Variants in GPM6B observed in about 807,000 individuals in gnomAD.
GPM6B encodes the protein neuronal membrane glycoprotein M6-b.
Under a neutral mutation model 27.2 loss-of-function variants are expected in GPM6B, and 4 were observed. That is an observed-to-expected ratio of 0.15 (90% CI 0.07 to 0.34). The LOEUF is 0.34. GPM6B is among the 10% of genes least tolerant of loss of function. The probability of loss-of-function intolerance (pLI) is 1.00; values close to 1 mark genes in which losing one functional copy is unlikely to be tolerated. For missense variants in GPM6B, 183 were observed against 261.9 expected, an observed-to-expected ratio of 0.70 and a Z score of 2.08; for synonymous variants, 124 against 103.1, an observed-to-expected ratio of 1.20 and a Z score of -1.23.
chrX:13,909,388 A>T (rs1489252680), intron 1 of GPM6B, among the ~76,000 whole-genome samples: 1 of 110,940 alleles, frequency 9.0e-6, no homozygotes. Flanking sequence ...TAGGCCTCCC[A>T]AAGTGCTGGG....
At chrX:13,820,997 G>A (rs945679448), upstream of GPM6B, among the ~76,000 whole-genome samples, 5 of 111,387 alleles carry the variant, frequency 4.5e-5, no homozygotes, top group Non-Finnish European at 5.6e-5. Flanking sequence ...GAAAACGAGG[G>A]AAATAAGACC....
rs748975485 is a variant in GPM6B at position 13,928,325 on chromosome X, C to G, written c.-198+10002G>C. On this transcript the variant is annotated intron_variant, in intron 1 of 6. Coordinates refer to the GPM6B transcript ENST00000398361. ...ATGATTTGCCCACTTTTCGTGTACA[C>G]ATATTATACTTCAATAACAATTTTT... 9.8e-5 allele frequency among the ~76,000 whole-genome samples: 11 copies of G among 112,530 alleles called. No individual in the cohort carries two copies. The South Asian group carries it at 2.6e-3, about 26-fold the overall frequency.
At chrX:13,938,525 G>T, upstream of GPM6B, 1 of 914,903 alleles carries the variant, frequency 1.1e-6, no homozygotes, top group East Asian at 4.0e-5. Context: ...GGAGACTGGC[G>T]GGAGGGGTGA....
intron 1 of GPM6B, among the ~76,000 whole-genome samples, chrX:13,861,067 CATAT>C (rs750896515): frequency 9.4e-6 from 1 of 106,449 alleles, no homozygotes; most frequent in Non-Finnish European, 1.9e-5. Context: ...TATACACATA[CATAT>C]ATATACATAT....
chrX:13,860,979 TG>T (rs897164909), intron 1 of GPM6B, among the ~76,000 whole-genome samples: 3 of 108,836 alleles, frequency 2.8e-5, no homozygotes, highest in Non-Finnish European at 5.7e-5. Flanking sequence ...TTTATATGGC[TG>T]AGTATTCCAC....
intron 1 of GPM6B, among the ~76,000 whole-genome samples, chrX:13,924,011 T>C (rs780197135): frequency 4.1e-4 from 46 of 112,548 alleles, no homozygotes; most frequent in African/African-American, 1.4e-3. Context: ...GTCTTCCACC[T>C]GTTTTATCCG....
intron 2 of GPM6B, among the ~76,000 whole-genome samples, chrX:13,795,914 GCTTA>G (rs1304531742): frequency 1.8e-5 from 2 of 108,377 alleles, no homozygotes; most frequent in African/African-American, 3.4e-5. Flanking sequence ...GCCATGCCTG[GCTTA>G]TTTATTTATT....
At chrX:13,893,599 A>C (rs1356730112) in intron 1 of GPM6B, among the ~76,000 whole-genome samples, 1 of 112,489 alleles carries the variant, frequency 8.9e-6, no homozygotes, top group Non-Finnish European at 1.9e-5. Context: ...CCAAAGCAGC[A>C]GCCAAAACGA....
intron 1 of GPM6B, among the ~76,000 whole-genome samples, chrX:13,876,734 T>C (rs186963849): frequency 9.2e-6 from 1 of 108,562 alleles, no homozygotes; most frequent in East Asian, 2.9e-4. Flanking sequence ...CTATAATCAC[T>C]GGGGACAGCA....
At chrX:13,787,536 G>A (rs1395493755) in intron 2 of GPM6B, among the ~76,000 whole-genome samples, 6 of 111,702 alleles carry the variant, frequency 5.4e-5, no homozygotes, top group African/African-American at 1.6e-4. Flanking sequence ...CAGCCTGGGC[G>A]ACAGAGCAAG....
At chrX:13,938,517 A>G, upstream of GPM6B, 1 of 933,736 alleles carries the variant, frequency 1.1e-6, no homozygotes, top group Non-Finnish European at 1.3e-6. Context: ...CCATGGCTGG[A>G]GACTGGCGGG....
At chrX:13,818,599 G>A (rs1196596469), upstream of GPM6B, among the ~76,000 whole-genome samples, 7 of 112,044 alleles carry the variant, frequency 6.2e-5, no homozygotes, top group Admixed American at 9.5e-5. Context: ...AGAAGACCAC[G>A]CCCACAATCA....
At chrX:13,864,963 CAATAACT>C (rs1443444335) in intron 1 of GPM6B, among the ~76,000 whole-genome samples, 1 of 111,880 alleles carries the variant, frequency 8.9e-6, no homozygotes. Context: ...AAATTAGCAA[CAATAACT>C]AATAATAGAT....
intron 6 of GPM6B, among the ~76,000 whole-genome samples, chrX:13,777,008 AATCTTTCAAAG>A (rs1381435848): frequency 1.1e-5 from 1 of 95,163 alleles, no homozygotes; most frequent in Non-Finnish European, 2.0e-5. Context: ...CTACTTTGAA[AATCTTTCAAAG>A]TAGAAAGAGT....
intron 1 of GPM6B, among the ~76,000 whole-genome samples, chrX:13,933,650 G>C (rs1921688698): frequency 8.9e-6 from 1 of 112,192 alleles, no homozygotes; most frequent in Non-Finnish European, 1.9e-5. Flanking sequence ...AAACCAGGTT[G>C]ATTACTTTGG....
Position 13,779,926 on chromosome X carries a change from G to T in GPM6B, c.589C>A (p.Pro197Thr). ...CATATGTTGTAGAACATAAACACGG[G>T]CACCGCTGAGAAACCAAACACACCC... ...WLGVFGFSAV[P>T]VFMFYNIWST... The change falls in exon 5 of 8, where the codon CCC becomes ACC. Residue 197 changes from proline (P) to threonine (T), a missense_variant. Physicochemically the swap from Pro to Thr is conservative, Grantham distance 38. Coordinates refer to ENST00000316715, the MANE Select transcript of GPM6B (RefSeq NM_001001995.3). The T allele has an allele frequency of 8.3e-7, 1 of 1,200,950 alleles. No individual in the cohort carries two copies. Among genetic ancestry groups the T allele is most frequent in the African/African-American group, 1.7e-5 (1 of 57,634 alleles).
intron 1 of GPM6B, among the ~76,000 whole-genome samples, chrX:13,839,933 T>C (rs1047010624): frequency 6.3e-5 from 7 of 111,536 alleles, no homozygotes; most frequent in African/African-American, 1.3e-4. Flanking sequence ...TCAAGACAAC[T>C]ATAAAGCTAT....
intron 7 of GPM6B, chrX:13,773,977 T>C (rs1184365796): frequency 5.5e-6 from 4 of 731,459 alleles, no homozygotes; most frequent in Non-Finnish European, 6.4e-6. Context: ...TTTTTTTTTT[T>C]TTCCAGAGAA....
At chrX:13,904,911 C>A (rs1028493790) in intron 1 of GPM6B, among the ~76,000 whole-genome samples, 4 of 110,630 alleles carry the variant, frequency 3.6e-5, no homozygotes, top group Non-Finnish European at 5.7e-5. Flanking sequence ...TCAGAGCAGG[C>A]TTCCTCCAGT....
Sources: gnomAD v4.1 joint callset for allele counts (sites outside exome capture counted in the v4.1 genomes callset) on GRCh38, gnomAD v4.1.1 for gene constraint, MANE v1.5 for transcripts, NCBI Gene and HGNC (gene_info 2026-07-23, HGNC 2026-07-21) for gene names.